Variants in ZNF829 observed in about 807,000 individuals in gnomAD.
ZNF829 encodes zinc finger protein 829.
In ZNF829, 25 loss-of-function variants were observed where a neutral mutation model predicts 35.2. That is an observed-to-expected ratio of 0.71 (90% CI 0.52 to 0.99). ZNF829 has a LOEUF of 0.99. ZNF829 is among the 50% of genes least tolerant of loss of function. ZNF829 has a pLI of 0.00. For synonymous variants in ZNF829, 136 were observed against 163.2 expected (o/e 0.83, Z 1.27); for missense variants, 417 against 515.3 (o/e 0.81, Z 1.85).
chr19:36,896,765 T>C lies in ZNF829; in HGVS notation c.320-4294A>G, dbSNP rs547942319. On this transcript the variant is annotated intron_variant, in intron 5 of 5. Transcript: ENST00000391711. ...CTAATTTTTAAAAATTGAAATCATA[T>C]CAAGTATCTTCTCAGACTACACTAG... is the stretch of plus-strand genomic sequence containing the variant. 2.3e-4 allele frequency among the ~76,000 whole-genome samples: 35 copies of C among 152,298 alleles called. 1 individual carries two copies. Among genetic ancestry groups the C allele is most frequent in the Admixed American group, 2.2e-3 (34 of 15,302 alleles).
rs139516874 is a variant in ZNF829 at position 36,897,177 on chromosome 19, A to G, written c.320-4706T>C. On this transcript the variant is annotated intron_variant, in intron 5 of 5. Coordinates refer to ENST00000391711, the MANE Select transcript of ZNF829 (RefSeq NM_001037232.4). ...CTCAAACTATTCCAAAAAATGGAAG[A>G]GAAGTTAATTCTTCCTAATCCATTC... 4.4e-3 allele frequency among the ~76,000 whole-genome samples: 667 copies of G among 152,330 alleles called. 7 individuals are homozygous for G. The highest frequency in any genetic ancestry group is 4.7e-3 in the Non-Finnish European group (321 of 68,034).
intron 5 of ZNF829, among the ~76,000 whole-genome samples, chr19:36,895,968 A>C (rs898591918): frequency 1.3e-5 from 2 of 152,060 alleles, no homozygotes; most frequent in Admixed American, 6.6e-5. Context: ...GGAGTTCGAG[A>C]CCAGCCTTCC....
At chr19:36,900,294 G>A (rs1164292616) in intron 5 of ZNF829, among the ~76,000 whole-genome samples, 1 of 151,144 alleles carries the variant, frequency 6.6e-6, no homozygotes, top group Non-Finnish European at 1.5e-5. Flanking sequence ...AAGTTGCAGT[G>A]AGCAGAGATC....
At chr19:36,914,383 G>A (rs907978311) in intron 3 of ZNF829, among the ~76,000 whole-genome samples, 26 of 151,972 alleles carry the variant, frequency 1.7e-4, no homozygotes, top group African/African-American at 5.8e-4. Context: ...TATTCCAAGA[G>A]AAAAATGAGT....
At chr19:36,911,275 G>A (rs1188170632) in intron 3 of ZNF829, among the ~76,000 whole-genome samples, 2 of 151,536 alleles carry the variant, frequency 1.3e-5, no homozygotes, top group East Asian at 3.9e-4. Context: ...GCAGTGGTGC[G>A]ATCTCAGCTC....
chr19:36,893,238 A>C lies in ZNF829; in HGVS notation c.320-767T>G, dbSNP rs571512227. Among the ~76,000 whole-genome samples, 254 of 152,228 alleles carry C rather than the reference A, an allele frequency of 1.7e-3. 1 individual carries two copies. The highest frequency in any genetic ancestry group is 3.1e-3 in the Non-Finnish European group (210 of 68,042). ...CAACTGGTGGGAAGAGTAGACAGGT[A>C]CATCTCTTCTGTGCATACAGCATGA... On this transcript the variant is annotated intron_variant, in intron 5 of 5. Coordinates refer to ENST00000391711, the MANE Select transcript of ZNF829 (RefSeq NM_001037232.4).
chr19:36,905,153 C>T (rs1460839161), intron 5 of ZNF829, among the ~76,000 whole-genome samples: 2 of 152,114 alleles, frequency 1.3e-5, no homozygotes, highest in African/African-American at 2.4e-5. Flanking sequence ...TTCTTCTGAG[C>T]GTCCTATTTG....
chr19:36,908,983 C>G (rs1432988732), intron 3 of ZNF829, among the ~76,000 whole-genome samples: 1 of 152,126 alleles, frequency 6.6e-6, no homozygotes, highest in Non-Finnish European at 1.5e-5. Context: ...TAAATCAAGA[C>G]AATTTTAAAT....
At chr19:36,904,030 G>T (rs184793393) in intron 5 of ZNF829, among the ~76,000 whole-genome samples, 2 of 152,214 alleles carry the variant, frequency 1.3e-5, no homozygotes, top group Admixed American at 1.3e-4. Flanking sequence ...ATTAAGCAAA[G>T]ATATGAAAAT....
intron 5 of ZNF829, among the ~76,000 whole-genome samples, chr19:36,899,527 T>A (rs1234084247): frequency 6.6e-6 from 1 of 151,826 alleles, no homozygotes; most frequent in Non-Finnish European, 1.5e-5. Flanking sequence ...AAACAATTGA[T>A]AAATATTCAA....
At chr19:36,908,645 A>G (rs537886376) in intron 3 of ZNF829, among the ~76,000 whole-genome samples, 186 bp from the exon 4 acceptor site, 2 of 152,232 alleles carry the variant, frequency 1.3e-5, no homozygotes, top group African/African-American at 4.8e-5. Flanking sequence ...AATAGCATGC[A>G]TTCAGCTCAA....
At chr19:36,906,629 A>G (rs1030872251) in intron 5 of ZNF829, 3 of 152,204 alleles carry the variant, frequency 2.0e-5, no homozygotes, top group African/African-American at 7.2e-5. Context: ...TTCCACTCCT[A>G]TGTATATACC....
In ZNF829 at chr19:36,892,552, C is replaced by T. The variant is rs2073068325; in HGVS notation, c.320-81G>A. 3 of 1,377,808 alleles carry T rather than the reference C, an allele frequency of 2.2e-6. No individual in the cohort carries two copies. The South Asian group carries it at 4.3e-5, about 20-fold the overall frequency. The allele number at this position is 1,377,808 out of a possible 1,614,324, so 85.3% of individuals were successfully genotyped here. ...CTAAAAAAGAAATGGGAGAATTAAA[C>T]TGAAAAGAATATCTGAGAAATTACA... On this transcript the variant is annotated intron_variant, in intron 5 of 5. Transcript: ENST00000391711.
Position 36,890,686 on chromosome 19 carries a change from C to CAAAAAAAA in ZNF829, c.*798_*805dup, listed in dbSNP as rs71171475. Reference sequence around the variant, plus strand: ...TGAAACCCCGTCGCTACTAAAAATACAAAAAAAAAAAAAAAAAAAATTAGC... The same window carrying CAAAAAAAA: ...TGAAACCCCGTCGCTACTAAAAATACAAAAAAAAAAAAAAAAAAAAAAAAAAAATTAGC... On this transcript the variant is annotated 3_prime_UTR_variant, in exon 6 of 6. Transcript: ENST00000391711. 2 of 84,092 alleles carry CAAAAAAAA rather than the reference C, an allele frequency of 2.4e-5. No individual in the cohort carries two copies. The highest frequency in any genetic ancestry group is 2.5e-5 in the Non-Finnish European group (1 of 40,536). 5.2% of individuals were successfully genotyped at this position (84,092 alleles called of 1,614,324 possible).
In ZNF829 at chr19:36,890,637, T is replaced by C. The variant is rs569141971; in HGVS notation, c.*855A>G. On this transcript the variant is annotated 3_prime_UTR_variant, in exon 6 of 6. Coordinates refer to ENST00000391711, the MANE Select transcript of ZNF829 (RefSeq NM_001037232.4). Reference sequence around the variant, plus strand: ...GGGCAGATCACTTGAAGTCAGGAGTTCAAGACCAGCCTGGCCAACATGGTG... The same window carrying C: ...GGGCAGATCACTTGAAGTCAGGAGTCCAAGACCAGCCTGGCCAACATGGTG... 6.7e-6 allele frequency: 1 copy of C among 148,708 alleles called. No homozygotes were observed. Among genetic ancestry groups the C allele is most frequent in the East Asian group, 2.0e-4 (1 of 5,060 alleles). 9.2% of individuals were successfully genotyped at this position (148,708 alleles called of 1,614,324 possible).
chr19:36,897,381 A>G (rs180704340), intron 5 of ZNF829, among the ~76,000 whole-genome samples: 49 of 152,322 alleles, frequency 3.2e-4, no homozygotes, highest in Admixed American at 1.2e-3. Flanking sequence ...TTTCCTGAAA[A>G]GTGCAAGGAT....
chr19:36,892,186 T>G lies in ZNF829; in HGVS notation c.605A>C (p.His202Pro). The change falls in exon 6 of 6, where the codon CAT becomes CCT. Residue 202 changes from histidine (H) to proline (P), a missense_variant. Physicochemically the swap from His to Pro is moderately conservative, Grantham distance 77. Transcript: ENST00000391711. The stretch of plus-strand genomic sequence containing the variant: ...TTTTTTACCAGTGTGAATCCTCTGA[T>G]GTCGAGTAACGAGTGAGCCACGACT... ...SFSRGSLVTR[H>P]QRIHTGKKPY... The G allele has an allele frequency of 6.2e-7, 1 of 1,614,202 alleles. No homozygotes were observed. Among genetic ancestry groups the G allele is most frequent in the Non-Finnish European group, 8.5e-7 (1 of 1,180,038 alleles).
rs1188746330 is a variant in ZNF829, at chr19:36,889,708, G to A, written c.*1784C>T. The A allele has an allele frequency of 6.6e-6, 1 of 151,774 alleles. No homozygotes were observed. Among genetic ancestry groups the A allele is most frequent in the Admixed American group, 6.6e-5 (1 of 15,250 alleles). The allele number at this position is 151,774 out of a possible 1,614,324, so 9.4% of individuals were successfully genotyped here. A position where few individuals can be genotyped will look rare whatever the true frequency, so the allele number is the denominator to read the frequency against. On this transcript the variant is annotated 3_prime_UTR_variant, in exon 6 of 6. Transcript: ENST00000391711. The stretch of plus-strand genomic sequence containing the variant: ...CTAGTGGTCTGTCAGTTTTATCTTT[G>A]CAAAGAACCAACTTTTTCTTTTATT...
At chr19:36,907,133 A>G (rs920769528) in intron 5 of ZNF829, 3 of 148,926 alleles carry the variant, frequency 2.0e-5, no homozygotes, top group African/African-American at 7.4e-5. Context: ...ATATATATGT[A>G]TATATTCATA....
Sources: allele counts gnomAD v4.1 joint callset (sites outside exome capture counted in the v4.1 genomes callset), GRCh38; gene constraint gnomAD v4.1.1; transcripts MANE v1.5; gene names NCBI Gene and HGNC (gene_info 2026-07-23, HGNC 2026-07-21).